Variants in DAB1 observed in about 807,000 individuals in gnomAD.
DAB1 encodes the protein DAB adaptor protein 1, also known as disabled homolog 1.
Under a neutral mutation model 64.6 loss-of-function variants are expected in DAB1, and 15 were observed. The ratio of observed to expected loss-of-function variants is 0.23; its 90% confidence interval spans 0.16 to 0.36. The LOEUF is 0.36. Among genes scored for constraint, DAB1 ranks in the 10% least tolerant of loss-of-function variants. The pLI, the probability that DAB1 is intolerant of heterozygous loss-of-function variation, is 1.00. For synonymous variants in DAB1, 235 were observed against 251.9 expected (o/e 0.93, Z 0.64); for missense variants, 596 against 706.7 (o/e 0.84, Z 1.78).
At chr1:57,810,813 A>C (rs1463830693) in intron 6 of DAB1, among the ~76,000 whole-genome samples, 1 of 152,224 alleles carries the variant, frequency 6.6e-6, no homozygotes, top group Non-Finnish European at 1.5e-5. Flanking sequence ...GCTATAACAA[A>C]TTATCACAAT....
At chr1:58,488,377 G>A (rs759696274) in intron 3 of DAB1, among the ~76,000 whole-genome samples, 2 of 152,078 alleles carry the variant, frequency 1.3e-5, no homozygotes, top group African/African-American at 4.8e-5. Context: ...GTTCAGTTAC[G>A]TGAAAAAGTT....
chr1:57,449,135 C>T (rs1003129704), intron 7 of DAB1, among the ~76,000 whole-genome samples: 3 of 152,064 alleles, frequency 2.0e-5, no homozygotes, highest in Non-Finnish European at 4.4e-5. Flanking sequence ...AAAATGACCC[C>T]ATCTAACAGC....
At chr1:57,922,759 TG>T (rs1369151139) in intron 5 of DAB1, among the ~76,000 whole-genome samples, 2 of 138,008 alleles carry the variant, frequency 1.4e-5, no homozygotes, top group East Asian at 4.2e-4. Flanking sequence ...GGCAGGAGAA[TG>T]GCATGAACCC....
At chr1:57,353,545 G>A (rs1307516312) in intron 1 of DAB1, among the ~76,000 whole-genome samples, 1 of 152,160 alleles carries the variant, frequency 6.6e-6, no homozygotes, top group African/African-American at 2.4e-5. Context: ...TTCGATTTTT[G>A]TCGTTTGCTG....
chr1:57,374,693 T>C (rs1392846517), intron 1 of DAB1, among the ~76,000 whole-genome samples: 1 of 152,174 alleles, frequency 6.6e-6, no homozygotes, highest in East Asian at 1.9e-4. Context: ...TCTGCATGGG[T>C]AGCTCTAAAC....
intron 4 of DAB1, among the ~76,000 whole-genome samples, chr1:58,172,133 G>C (rs772061759): frequency 2.0e-5 from 3 of 152,190 alleles, no homozygotes; most frequent in Non-Finnish European, 4.4e-5. Flanking sequence ...ATGGGAACCA[G>C]AGGCAGAAAC....
chr1:58,431,828 C>T (rs980241510), intron 3 of DAB1, among the ~76,000 whole-genome samples: 15 of 152,080 alleles, frequency 9.9e-5, no homozygotes, highest in African/African-American at 3.4e-4. Flanking sequence ...CACACAGAGG[C>T]CTGACCCCCT....
At chr1:57,459,642 A>G (rs1272622590) in intron 7 of DAB1, among the ~76,000 whole-genome samples, 1 of 152,188 alleles carries the variant, frequency 6.6e-6, no homozygotes, top group Non-Finnish European at 1.5e-5. Flanking sequence ...ACCATCTAGC[A>G]AAACCTTAAA....
chr1:57,031,522 C>T (rs1646965983), intron 9 of DAB1, among the ~76,000 whole-genome samples: 1 of 152,218 alleles, frequency 6.6e-6, no homozygotes, highest in African/African-American at 2.4e-5. Context: ...AGCATAGGCG[C>T]CATTGTCACT....
intron 6 of DAB1, among the ~76,000 whole-genome samples, chr1:57,732,192 AGGTCAGGTTAGTTTTT>A (rs1216918112): frequency 6.6e-6 from 1 of 152,186 alleles, no homozygotes; most frequent in Non-Finnish European, 1.5e-5. Context: ...GGTATCATGC[AGGTCAGGTTAGTTTTT>A]GGCCCTCCAT....
chr1:57,739,756 T>A (rs1647890227), intron 6 of DAB1, among the ~76,000 whole-genome samples: 1 of 151,094 alleles, frequency 6.6e-6, no homozygotes, highest in Non-Finnish European at 1.5e-5. Flanking sequence ...CCCACCTACT[T>A]AACAGTTTTT....
At chr1:58,470,048 A>G (rs1471085211) in intron 3 of DAB1, among the ~76,000 whole-genome samples, 1 of 151,888 alleles carries the variant, frequency 6.6e-6, no homozygotes, top group Non-Finnish European at 1.5e-5. Flanking sequence ...CACTGAGGCC[A>G]TTCTTCCCAT....
chr1:57,391,493 A>C (rs961753933), intron 1 of DAB1, among the ~76,000 whole-genome samples: 3 of 152,172 alleles, frequency 2.0e-5, no homozygotes, highest in Non-Finnish European at 4.4e-5. Context: ...TATACTAAAA[A>C]CATCAACTAA....
At chr1:57,236,444 TG>T (rs1237410917) in intron 2 of DAB1, among the ~76,000 whole-genome samples, 6 of 152,074 alleles carry the variant, frequency 3.9e-5, no homozygotes, top group Admixed American at 1.3e-4. Flanking sequence ...GACATTTAAC[TG>T]GGGCCTTGAA....
At chr1:57,760,618 TCTCACACACACA>T (rs1375479309) in intron 6 of DAB1, among the ~76,000 whole-genome samples, 2 of 115,584 alleles carry the variant, frequency 1.7e-5, no homozygotes, top group East Asian at 2.6e-4. Flanking sequence ...TCTCTCTCTC[TCTCACACACACA>T]CACACACACA....
At chr1:57,121,430 G>A (rs527973080) in intron 4 of DAB1, among the ~76,000 whole-genome samples, 68 of 152,060 alleles carry the variant, frequency 4.5e-4, no homozygotes, top group African/African-American at 1.5e-3. Context: ...CAGGGAAGTG[G>A]GGGAAGGGAT....
chr1:57,259,874 T>A (rs1007671062), intron 2 of DAB1, among the ~76,000 whole-genome samples: 1 of 152,204 alleles, frequency 6.6e-6, no homozygotes, highest in African/African-American at 2.4e-5. Context: ...ATTGTTGTTG[T>A]TGTTTTCAAC....
chr1:57,304,318 T>G, intron 1 of DAB1, among the ~76,000 whole-genome samples: 1 of 148,868 alleles, frequency 6.7e-6, no homozygotes, highest in Admixed American at 6.7e-5. Context: ...GAAATCCACC[T>G]CCCCCCCACA....
intron 6 of DAB1, among the ~76,000 whole-genome samples, chr1:57,653,670 T>C (rs1646282552): frequency 6.6e-6 from 1 of 152,172 alleles, no homozygotes. Context: ...TGCAGTGAAG[T>C]GGCACTATCT....
Sources: allele counts gnomAD v4.1 joint callset (sites outside exome capture counted in the v4.1 genomes callset), GRCh38; gene constraint gnomAD v4.1.1; transcripts MANE v1.5; gene names NCBI Gene and HGNC (gene_info 2026-07-23, HGNC 2026-07-21).